Variants in DMD observed in about 807,000 individuals in gnomAD.
The protein encoded by DMD is dystrophin, also known as mutant dystrophin.
Under a neutral mutation model 330.1 loss-of-function variants are expected in DMD, and 63 were observed. That is an observed-to-expected ratio of 0.19 (90% CI 0.16 to 0.24). The LOEUF (loss-of-function observed/expected upper bound fraction) is 0.24, where lower values mean the gene tolerates loss of function less well. Ranked by LOEUF, DMD falls within the 10% of genes least tolerant of loss-of-function variation. The pLI is 1.00. For synonymous variants in DMD, 1,223 were observed against 959.8 expected (o/e 1.27, Z -5.07); for missense variants, 3,344 against 2,684.1 (o/e 1.25, Z -5.43).
intron 62 of DMD, among the ~76,000 whole-genome samples, chrX:31,320,173 T>C (rs889406767): frequency 1.8e-5 from 2 of 112,216 alleles, no homozygotes; most frequent in Admixed American, 9.4e-5. Flanking sequence ...AACACGTAGT[T>C]TGAAGTATCA....
intron 57 of DMD, among the ~76,000 whole-genome samples, chrX:31,496,510 C>T (rs975996467): frequency 8.9e-6 from 1 of 111,963 alleles, no homozygotes; most frequent in African/African-American, 3.2e-5. Context: ...TTTATTATAG[C>T]ATTCTGTCTA....
intron 2 of DMD, among the ~76,000 whole-genome samples, chrX:33,018,394 A>G (rs2093845861): frequency 8.9e-6 from 1 of 112,006 alleles, no homozygotes; most frequent in Non-Finnish European, 1.9e-5. Flanking sequence ...ATGGGCATTC[A>G]TAAGGACAGA....
At chrX:32,190,798 A>G (rs996933186) in intron 44 of DMD, among the ~76,000 whole-genome samples, 3 of 108,827 alleles carry the variant, frequency 2.8e-5, no homozygotes, top group Non-Finnish European at 5.7e-5. Context: ...GCTCTTCAAC[A>G]TTCTCTAAGT....
At chrX:32,423,631 G>C (rs1056865986) in intron 29 of DMD, among the ~76,000 whole-genome samples, 1 of 110,246 alleles carries the variant, frequency 9.1e-6, no homozygotes, top group African/African-American at 3.3e-5. Context: ...AAATATGACT[G>C]TCCAAGGAAA....
chrX:31,531,520 GTTGT>G (rs1290758557), intron 55 of DMD, among the ~76,000 whole-genome samples: 3 of 77,782 alleles, frequency 3.9e-5, no homozygotes, highest in African/African-American at 1.6e-4. Flanking sequence ...TTTTGATGGG[GTTGT>G]TTGTTTTTTT....
At chrX:32,672,384 T>A (rs1293830259) in intron 9 of DMD, among the ~76,000 whole-genome samples, 5 of 111,459 alleles carry the variant, frequency 4.5e-5, no homozygotes, top group African/African-American at 1.6e-4. Flanking sequence ...TCAAATACAC[T>A]TGCAATTCAT....
intron 1 of DMD, among the ~76,000 whole-genome samples, chrX:33,070,673 C>CTCTCTCTCTA (rs1192910156): frequency 2.8e-5 from 1 of 35,654 alleles, no homozygotes; most frequent in Admixed American, 5.0e-4. Flanking sequence ...CTCTCTCTCT[C>CTCTCTCTCTA]TATATATATA....
At chrX:33,156,688 A>T (rs939966866) in intron 1 of DMD, among the ~76,000 whole-genome samples, 7 of 112,223 alleles carry the variant, frequency 6.2e-5, no homozygotes, top group Non-Finnish European at 3.8e-5. Flanking sequence ...GTGTATTTTC[A>T]TACTCCTATT....
intron 1 of DMD, chrX:33,127,963 C>G: frequency 3.0e-6 from 3 of 986,022 alleles, no homozygotes; most frequent in Non-Finnish European, 4.0e-6. Flanking sequence ...TTCTTCCCTT[C>G]CTCACAACAA....
intron 43 of DMD, among the ~76,000 whole-genome samples, chrX:32,218,565 A>G (rs1224899962): frequency 8.9e-6 from 1 of 112,104 alleles, no homozygotes. Flanking sequence ...AAGTAACACT[A>G]GAAGTTTTAA....
intron 6 of DMD, 40 bp from the exon 7 acceptor site, chrX:32,809,651 A>C (rs201081223): frequency 9.2e-7 from 1 of 1,081,686 alleles, no homozygotes; most frequent in Non-Finnish European, 1.3e-6. Flanking sequence ...AAAGACAAAT[A>C]TAAATCAATC....
chrX:33,267,993 ATT>A (rs527255488), intron 1 of DMD, among the ~76,000 whole-genome samples: 5 of 98,298 alleles, frequency 5.1e-5, no homozygotes, highest in Non-Finnish European at 2.1e-5. Flanking sequence ...GGCATTGGCA[ATT>A]TTTTTTTTTT....
At chrX:31,567,207 GT>G (rs2075515627) in intron 55 of DMD, among the ~76,000 whole-genome samples, 1 of 111,382 alleles carries the variant, frequency 9.0e-6, no homozygotes. Context: ...ATGCTTTATT[GT>G]TTTTCCTTGC....
chrX:32,702,590 A>G (rs1419457004), intron 7 of DMD, among the ~76,000 whole-genome samples: 1 of 111,501 alleles, frequency 9.0e-6, no homozygotes, highest in Non-Finnish European at 1.9e-5. Context: ...ATACTTTTCA[A>G]TGAGAGGGTG....
chrX:33,003,110 A>G (rs2093324050), intron 2 of DMD, among the ~76,000 whole-genome samples: 1 of 109,836 alleles, frequency 9.1e-6, no homozygotes, highest in Admixed American at 9.9e-5. Flanking sequence ...TATACACCGT[A>G]CCCAATATGT....
intron 7 of DMD, among the ~76,000 whole-genome samples, chrX:32,768,334 G>A (rs751030524): frequency 2.7e-5 from 3 of 111,423 alleles, no homozygotes; most frequent in Non-Finnish European, 3.8e-5. Context: ...TGTCAATATC[G>A]TAACAATGAA....
At chrX:31,397,252 G>C (rs770272933) in intron 60 of DMD, among the ~76,000 whole-genome samples, 17 of 112,182 alleles carry the variant, frequency 1.5e-4, no homozygotes, top group African/African-American at 5.2e-4. Flanking sequence ...GATTACTCAT[G>C]TTTTAATTTC....
rs149543306 is a variant in DMD at position 32,348,436 on chromosome X, A to G, written c.5418T>C (p.Asn1806=). 1.1e-5 allele frequency: 13 copies of G among 1,206,665 alleles called. No homozygotes were observed. The African/African-American group carries it at 2.1e-4, about 20-fold the overall frequency. ...PLEAEIQQGV[N]LKEEDFNKDM... is the part of the protein sequence containing the mutation. ...CTTTATTGAAGTCTTCCTCTTTCAGATTCACCCCCTGCTGAATTTCAGCCT... is the reference window on the plus strand; with the variant it reads ...CTTTATTGAAGTCTTCCTCTTTCAGGTTCACCCCCTGCTGAATTTCAGCCT... The change falls in exon 38 of 79, where the codon AAT becomes AAC. Residue 1806 remains asparagine, a synonymous_variant. Coordinates refer to ENST00000357033, the MANE Select transcript of DMD (RefSeq NM_004006.3).
intron 42 of DMD, among the ~76,000 whole-genome samples, chrX:32,299,592 G>A (rs908679000): frequency 5.5e-5 from 6 of 108,977 alleles, no homozygotes; most frequent in Non-Finnish European, 9.5e-5. Context: ...ACTGTATAGC[G>A]TAGTGCTTAA....
Sources: allele counts gnomAD v4.1 joint callset (sites outside exome capture counted in the v4.1 genomes callset), GRCh38; gene constraint gnomAD v4.1.1; transcripts MANE v1.5; gene names NCBI Gene and HGNC (gene_info 2026-07-23, HGNC 2026-07-21).